RBFOX1: variants seen among roughly 807,000 people sequenced by gnomAD.
RBFOX1 encodes the protein RNA binding protein fox-1 homolog 1.
A neutral mutation model predicts 57.7 loss-of-function variants in RBFOX1; 8 were observed. The ratio of observed to expected loss-of-function variants is 0.14; its 90% CI spans 0.08 to 0.25. RBFOX1 has a LOEUF of 0.25. RBFOX1 is among the 10% of genes least tolerant of loss of function. RBFOX1 has a pLI of 1.00. For synonymous variants in RBFOX1, 326 were observed against 222.4 expected (o/e 1.47, Z -4.15); for missense variants, 611 against 548.5 (o/e 1.11, Z -1.14).
intron 1 of RBFOX1, among the ~76,000 whole-genome samples, chr16:6,071,042 G>T (rs2095830920): frequency 6.6e-6 from 1 of 152,170 alleles, no homozygotes; most frequent in African/African-American, 2.4e-5. Context: ...ATGGAAATTG[G>T]CTGGGTGCGG....
intron 5 of RBFOX1, among the ~76,000 whole-genome samples, chr16:7,537,713 G>A (rs188986030): frequency 1.4e-4 from 22 of 152,166 alleles, no homozygotes; most frequent in Admixed American, 1.2e-3. Context: ...CTTATGCTTG[G>A]GTCCATCTCA....
chr16:6,242,895 T>A (rs1444441056), intron 1 of RBFOX1, among the ~76,000 whole-genome samples: 1 of 151,900 alleles, frequency 6.6e-6, no homozygotes. Context: ...TTTATCAGAG[T>A]CGTGATATAT....
intron 3 of RBFOX1, among the ~76,000 whole-genome samples, chr16:6,975,835 A>C (rs1232607955): frequency 6.6e-6 from 1 of 152,124 alleles, no homozygotes; most frequent in Non-Finnish European, 1.5e-5. Context: ...ATAGTAATAA[A>C]AATAAAACTA....
chr16:5,466,270 G>T (rs1031942153), intron 1 of RBFOX1, among the ~76,000 whole-genome samples: 2 of 152,208 alleles, frequency 1.3e-5, no homozygotes, highest in Non-Finnish European at 2.9e-5. Context: ...CTGTGCAGTG[G>T]GCCCTTGCCA....
intron 2 of RBFOX1, among the ~76,000 whole-genome samples, chr16:5,566,306 C>T (rs547629698): frequency 2.7e-4 from 41 of 152,174 alleles, no homozygotes; most frequent in Admixed American, 7.2e-4. Flanking sequence ...AGCACTGTAA[C>T]GGCATTCCAC....
At chr16:6,147,411 C>T (rs1318237321) in intron 1 of RBFOX1, among the ~76,000 whole-genome samples, 2 of 152,154 alleles carry the variant, frequency 1.3e-5, no homozygotes, top group Non-Finnish European at 2.9e-5. Context: ...ATTCCAGGGT[C>T]CCTGGACATG....
chr16:6,611,598 G>T (rs1284031837), intron 2 of RBFOX1, among the ~76,000 whole-genome samples: 1 of 152,160 alleles, frequency 6.6e-6, no homozygotes, highest in African/African-American at 2.4e-5. Flanking sequence ...TCCTATCCGT[G>T]TTCCGCTGTT....
Position 7,162,161 on chromosome 16 carries a change from G to C in RBFOX1, c.27+110063G>C, listed in dbSNP as rs554708886. ...AGGGAAGCCAGTGCTTTTCCCTTTA[G>C]CTGAATGTGCCAATAATGGCAGAAT... On this transcript the variant is annotated intron_variant, in intron 4 of 15. Transcript: ENST00000550418. 3.9e-5 allele frequency among the ~76,000 whole-genome samples: 6 copies of C among 152,222 alleles called. 1 individual carries two copies. In the South Asian group the frequency reaches 6.2e-4, roughly 16 times the overall value.
chr16:5,922,144 C>T (rs1333616042), intron 4 of RBFOX1, among the ~76,000 whole-genome samples: 1 of 152,044 alleles, frequency 6.6e-6, no homozygotes, highest in African/African-American at 2.4e-5. Flanking sequence ...CTAGGCAACA[C>T]AGCAAGACCC....
At chr16:6,158,805 C>G (rs547051564) in intron 1 of RBFOX1, among the ~76,000 whole-genome samples, 1 of 152,028 alleles carries the variant, frequency 6.6e-6, no homozygotes, top group Non-Finnish European at 1.5e-5. Context: ...GGAGAGGGCA[C>G]GTCTGGGAAT....
At chr16:7,517,195 A>G (rs1256149704) in intron 4 of RBFOX1, among the ~76,000 whole-genome samples, 2 of 142,008 alleles carry the variant, frequency 1.4e-5, no homozygotes, top group African/African-American at 5.3e-5. Flanking sequence ...GTGTTGTGGT[A>G]GAACTGTGGA....
chr16:6,513,362 C>T (rs1219875308), intron 2 of RBFOX1, among the ~76,000 whole-genome samples: 1 of 151,680 alleles, frequency 6.6e-6, no homozygotes, highest in African/African-American at 2.4e-5. Flanking sequence ...GATAGCATTC[C>T]TTATGGCCTC....
intron 4 of RBFOX1, among the ~76,000 whole-genome samples, chr16:7,124,740 T>A (rs1040677967): frequency 2.0e-5 from 3 of 151,996 alleles, no homozygotes; most frequent in Non-Finnish European, 4.4e-5. Context: ...AAAAGGTAGC[T>A]GGCTTTAGTT....
intron 4 of RBFOX1, among the ~76,000 whole-genome samples, chr16:7,252,307 A>T (rs1442495211): frequency 1.3e-5 from 2 of 152,330 alleles, no homozygotes; most frequent in South Asian, 2.1e-4. Context: ...GTAAGTGGAA[A>T]TATAACTTAT....
intron 3 of RBFOX1, among the ~76,000 whole-genome samples, chr16:5,798,364 A>AG (rs2054947332): frequency 6.6e-6 from 1 of 152,304 alleles, no homozygotes; most frequent in African/African-American, 2.4e-5. Context: ...GGCAAATATT[A>AG]GTTAGGGTCA....
At chr16:6,056,671 T>A (rs1410599077) in intron 1 of RBFOX1, among the ~76,000 whole-genome samples, 1 of 152,116 alleles carries the variant, frequency 6.6e-6, no homozygotes, top group East Asian at 1.9e-4. Flanking sequence ...AGATACTCCT[T>A]TAGAGACAAA....
chr16:6,571,190 C>G (rs751055775), intron 2 of RBFOX1, among the ~76,000 whole-genome samples: 4 of 152,184 alleles, frequency 2.6e-5, no homozygotes, highest in East Asian at 1.9e-4. Flanking sequence ...CAAAAGGGGT[C>G]TATTCCCAAA....
intron 2 of RBFOX1, among the ~76,000 whole-genome samples, chr16:6,535,376 C>T (rs926553766): frequency 1.3e-5 from 2 of 152,092 alleles, no homozygotes; most frequent in African/African-American, 2.4e-5. Context: ...TTGTCATGGA[C>T]GAAGATTCAC....
At chr16:6,938,146 A>T (rs11077115) in intron 3 of RBFOX1, among the ~76,000 whole-genome samples, 8,830 of 152,168 alleles carry the variant, frequency 0.058, 823 homozygotes, top group African/African-American at 0.2. Context: ...TGAACTATTC[A>T]AGTTCATTGT....
Sources: gnomAD v4.1 joint callset for allele counts (sites outside exome capture counted in the v4.1 genomes callset) on GRCh38, gnomAD v4.1.1 for gene constraint, MANE v1.5 for transcripts, NCBI Gene and HGNC (gene_info 2026-07-23, HGNC 2026-07-21) for gene names.